The following WDR27 variants were observed in gnomAD, a reference collection of about 807,000 sequenced individuals.
WDR27 encodes WD repeat-containing protein 27.
WDR27 carries 100 observed loss-of-function variants against 114.4 expected under a neutral mutation model. The ratio of observed to expected loss-of-function variants is 0.87; its 90% CI spans 0.74 to 1.03. The LOEUF is 1.03. Among genes scored for constraint, WDR27 ranks in the 50% least tolerant of loss-of-function variants. WDR27 has a pLI of 0.00. For synonymous variants in WDR27, 449 were observed against 423.1 expected, an observed-to-expected ratio of 1.06 and a Z score of -0.75; for missense variants, 1,129 against 1,092.9, an observed-to-expected ratio of 1.03 and a Z score of -0.47.
intron 1 of WDR27, among the ~76,000 whole-genome samples, chr6:169,698,869 AAGAG>A (rs1277142358): frequency 2.6e-5 from 4 of 152,224 alleles, no homozygotes; most frequent in South Asian, 2.1e-4. Context: ...TTGTGTAAGC[AAGAG>A]AGAAACATTT....
At chr6:169,450,204 C>T in the WDR27 span, among the ~76,000 whole-genome samples, 1 of 152,146 alleles carries the variant, frequency 6.6e-6, no homozygotes, top group Non-Finnish European at 1.5e-5. Context: ...TGAAGGAGTC[C>T]GACAGCTGCC....
chr6:169,503,316 A>G (rs1791583888), intron 25 of WDR27, among the ~76,000 whole-genome samples: 1 of 152,244 alleles, frequency 6.6e-6, no homozygotes, highest in South Asian at 2.1e-4. Context: ...GGAACTTCAT[A>G]CAACATAAGA....
In WDR27 at chr6:169,609,182, C is replaced by T. The variant is rs117259501; in HGVS notation, c.2321+4377G>A. On this transcript the variant is annotated intron_variant, in intron 22 of 25. Coordinates refer to ENST00000448612, the MANE Select transcript of WDR27 (RefSeq NM_182552.5). Reference sequence around the variant, plus strand: ...TGGTGTTGAGTGTCTGCAGCTTTTCCGTGCTCATGGTGCAAGCTGTAGATG... The same window carrying T: ...TGGTGTTGAGTGTCTGCAGCTTTTCTGTGCTCATGGTGCAAGCTGTAGATG... Among the ~76,000 whole-genome samples the T allele has an allele frequency of 5.6e-3, 848 of 152,138 alleles. 5 individuals carry two copies. Among genetic ancestry groups the T allele is most frequent in the Middle Eastern group, 0.014 (4 of 294 alleles).
chr6:169,426,790 G>A, the WDR27 span: 5 of 152,648 alleles, frequency 3.3e-5, no homozygotes, highest in East Asian at 1.9e-4. Context: ...ACAGCGCTGA[G>A]CATAGGACAC....
intron 25 of WDR27, among the ~76,000 whole-genome samples, chr6:169,554,594 A>G (rs1247159146): frequency 1.3e-5 from 2 of 152,124 alleles, no homozygotes; most frequent in African/African-American, 2.4e-5. Context: ...CAGATCCCAA[A>G]CTTTCGGAGC....
Position 169,659,873 on chromosome 6 carries a change from G to A in WDR27, c.1130-355C>T, listed in dbSNP as rs1247678998. On this transcript the variant is annotated intron_variant, in intron 10 of 25. Coordinates refer to ENST00000448612, the MANE Select transcript of WDR27 (RefSeq NM_182552.5). The surrounding 1 kb of genome is among the most constrained non-coding windows in gnomAD (Gnocchi z 4.3). ...TGTAATTAGAGCTGTGACCATTTGG[G>A]GGAAGGAAAGGCTGAGTTTTCAAGG... Among the ~76,000 whole-genome samples the A allele has an allele frequency of 2.6e-5, 4 of 151,972 alleles. No homozygotes were observed. In the East Asian group the frequency reaches 5.8e-4, roughly 22 times the overall value.
chr6:169,602,171 A>AC (rs756518169), intron 23 of WDR27, 48 bp downstream of exon 23: 47 of 1,387,710 alleles, frequency 3.4e-5, no homozygotes, highest in Non-Finnish European at 4.5e-5. Context: ...TCTACACATT[A>AC]CCAAAGTCTA....
At chr6:169,571,592 C>T (rs1265486353) in intron 25 of WDR27, among the ~76,000 whole-genome samples, 2 of 152,222 alleles carry the variant, frequency 1.3e-5, no homozygotes, top group African/African-American at 4.8e-5. Context: ...CTTTGGGAAG[C>T]CGAGGCAGGA....
chr6:169,566,508 G>A (rs906035544), intron 25 of WDR27, among the ~76,000 whole-genome samples: 8 of 152,248 alleles, frequency 5.3e-5, no homozygotes, highest in Admixed American at 5.2e-4. Flanking sequence ...ACTATGTCAC[G>A]TGATGAGAAA....
intron 13 of WDR27, among the ~76,000 whole-genome samples, chr6:169,652,543 G>A (rs4265038): frequency 0.19 from 28,603 of 152,226 alleles, 4,379 homozygotes; most frequent in East Asian, 0.8. Flanking sequence ...CACTATGCCC[G>A]GCCTAGCCTA....
intron 21 of WDR27, 73 bp from the exon 22 acceptor site, chr6:169,613,729 C>A: frequency 7.8e-7 from 1 of 1,275,978 alleles, no homozygotes; most frequent in Admixed American, 2.2e-5. Flanking sequence ...AATGATATCT[C>A]ATAATAGCTG....
intron 25 of WDR27, among the ~76,000 whole-genome samples, chr6:169,470,478 T>C (rs938282683): frequency 2.0e-5 from 3 of 152,238 alleles, no homozygotes; most frequent in African/African-American, 7.2e-5. Flanking sequence ...AAATACCATA[T>C]ACTACATGGC....
chr6:169,627,640 C>G (rs1054935574), intron 21 of WDR27, among the ~76,000 whole-genome samples: 2 of 152,208 alleles, frequency 1.3e-5, no homozygotes, highest in Non-Finnish European at 2.9e-5. Context: ...GCACGGGGAG[C>G]CTCCACATTG....
At position 169,457,600 on chromosome 6, in the gene WDR27, A is replaced by G. The variant is rs1013402770; in HGVS notation, c.2680T>C (p.Ser894Pro). Residue 894 changes from serine to proline, a missense_variant, in exon 26 of 26, where the codon TCT becomes CCT. Transcript: ENST00000448612. ...PQLPWMVNSS[S>P]F ...GGTCAGTGGTTACTCAGCTAGAAAG[A>G]GCTGGAGTTTACCATCCAAGGTAGC... is the stretch of plus-strand genomic sequence containing the variant. The G allele has an allele frequency of 2.6e-6, 4 of 1,552,700 alleles. No homozygotes were observed. Among genetic ancestry groups the G allele is most frequent in the Non-Finnish European group, 3.5e-6 (4 of 1,147,322 alleles).
intron 2 of WDR27, among the ~76,000 whole-genome samples, chr6:169,678,868 C>T (rs886373240): frequency 1.3e-5 from 2 of 152,172 alleles, no homozygotes; most frequent in South Asian, 4.1e-4. Flanking sequence ...CTTTGTTTTC[C>T]TTCCTTCCTT....
chr6:169,488,308 A>G (rs1489999083), intron 25 of WDR27, among the ~76,000 whole-genome samples: 1 of 152,200 alleles, frequency 6.6e-6, no homozygotes, highest in African/African-American at 2.4e-5. Flanking sequence ...TGCTTTGCAG[A>G]TCTCCATGGT....
At chr6:169,499,544 T>TATCACC (rs1423086999) in intron 25 of WDR27, among the ~76,000 whole-genome samples, 1 of 152,206 alleles carries the variant, frequency 6.6e-6, no homozygotes, top group African/African-American at 2.4e-5. Flanking sequence ...GTGAAGTCAC[T>TATCACC]ATCACCTGCA....
intron 2 of WDR27, among the ~76,000 whole-genome samples, chr6:169,688,380 T>C (rs998425951): frequency 1.3e-5 from 2 of 152,184 alleles, no homozygotes; most frequent in South Asian, 2.1e-4. Context: ...GAAGTGGGCA[T>C]TGACGGAGAA....
intron 1 of WDR27, among the ~76,000 whole-genome samples, chr6:169,692,933 G>A (rs763955597): frequency 8.6e-5 from 13 of 152,034 alleles, no homozygotes; most frequent in East Asian, 1.9e-4. Context: ...GCCTCCCCTC[G>A]CCAACTTAGG....
Sources: gnomAD v4.1 joint callset for allele counts (sites outside exome capture counted in the v4.1 genomes callset) on GRCh38, gnomAD v4.1.1 for gene constraint, Gnocchi (gnomAD v3.1) non-coding constraint, MANE v1.5 for transcripts, NCBI Gene and HGNC (gene_info 2026-07-23, HGNC 2026-07-21) for gene names.